MPRIP: variants seen among roughly 807,000 people sequenced by gnomAD.
MPRIP encodes myosin phosphatase Rho interacting protein.
Under a neutral mutation model 234.9 loss-of-function variants are expected in MPRIP, and 59 were observed. That is an observed-to-expected ratio of 0.25 (90% CI 0.20 to 0.31). MPRIP has a LOEUF of 0.31. Ranked by LOEUF, MPRIP falls within the 10% of genes least tolerant of loss-of-function variation. The pLI is 1.00. For synonymous variants in MPRIP, 1,144 were observed against 1,263.9 expected (o/e 0.91, Z 2.01); for missense variants, 2,436 against 3,071.0 (o/e 0.79, Z 4.89).
At chr17:17,143,305 A>C (rs1235009350) in intron 8 of MPRIP, among the ~76,000 whole-genome samples, 1 of 152,112 alleles carries the variant, frequency 6.6e-6, no homozygotes, top group Non-Finnish European at 1.5e-5. Flanking sequence ...AAGCTGGAGG[A>C]TGGGGTGGGG....
intron 1 of MPRIP, among the ~76,000 whole-genome samples, chr17:17,058,895 A>G (rs1440067262): frequency 6.6e-6 from 1 of 152,086 alleles, no homozygotes; most frequent in Non-Finnish European, 1.5e-5. Context: ...CTCCCCAAGC[A>G]AAGGTGCAGA....
chr17:17,047,569 C>T (rs11078366), intron 1 of MPRIP, among the ~76,000 whole-genome samples: 1 of 152,030 alleles, frequency 6.6e-6, no homozygotes, highest in East Asian at 1.9e-4. Flanking sequence ...GGCTATTAAA[C>T]TGGGTAAATT....
At chr17:17,091,913 C>T (rs1402260022) in intron 3 of MPRIP, among the ~76,000 whole-genome samples, 1 of 152,224 alleles carries the variant, frequency 6.6e-6, no homozygotes, top group Non-Finnish European at 1.5e-5. Context: ...GACCTGGCAG[C>T]ATTCTATATA....
At chr17:17,145,297 C>G (rs557978036) in intron 9 of MPRIP, among the ~76,000 whole-genome samples, 1 of 152,330 alleles carries the variant, frequency 6.6e-6, no homozygotes, top group South Asian at 2.1e-4. Context: ...TCAAAGCTAG[C>G]TTCTGCTCAG....
chr17:17,077,958 T>C, intron 2 of MPRIP, 53 bp from the exon 3 acceptor site: 3 of 1,592,708 alleles, frequency 1.9e-6, no homozygotes, highest in Non-Finnish European at 2.6e-6. Flanking sequence ...GAAGCCAAGC[T>C]CTGGGGCCAG....
chr17:17,051,591 T>G (rs1311621083), intron 1 of MPRIP, among the ~76,000 whole-genome samples: 2 of 152,224 alleles, frequency 1.3e-5, no homozygotes, highest in Non-Finnish European at 2.9e-5. Flanking sequence ...TGGGGCAGGT[T>G]CGAAAACTCT....
chr17:17,186,652 G>A lies in MPRIP; in HGVS notation c.*1758G>A, dbSNP rs1567787635. 1 of 152,212 alleles carries A rather than the reference G, an allele frequency of 6.6e-6. No individual in the cohort carries two copies. Among genetic ancestry groups the A allele is most frequent in the Non-Finnish European group, 1.5e-5 (1 of 68,088 alleles). The allele number at this position is 152,212 out of a possible 1,614,324, so 9.4% of individuals were successfully genotyped here. A position where few individuals can be genotyped will look rare whatever the true frequency, so the allele number is the denominator to read the frequency against. On this transcript the variant is annotated 3_prime_UTR_variant, in exon 24 of 24. Transcript: ENST00000651222. ...TAGGATTGCTTGAGCCCGGGAGGTC[G>A]AGGCTGCAATCAGTCATGATCGTGT...
rs765576185 is a variant in MPRIP, at chr17:17,177,430, G to T, written c.7120+18G>T. 3 of 1,608,616 alleles carry T rather than the reference G, an allele frequency of 1.9e-6. No individual in the cohort carries two copies. Among genetic ancestry groups the T allele is most frequent in the Non-Finnish European group, 2.6e-6 (3 of 1,176,370 alleles). ...CGGATATGGTGCGTCCTCGGGTCATGCCCTCTCGGTTATTGCTGGGGGGCT... is the reference window on the plus strand; with the variant it reads ...CGGATATGGTGCGTCCTCGGGTCATTCCCTCTCGGTTATTGCTGGGGGGCT... On this transcript the variant is annotated intron_variant, in intron 22 of 23. Coordinates refer to ENST00000651222, the MANE Select transcript of MPRIP (RefSeq NM_001364716.4).
intron 1 of MPRIP, among the ~76,000 whole-genome samples, chr17:17,051,884 G>A (rs1444952539): frequency 6.6e-6 from 1 of 152,244 alleles, no homozygotes; most frequent in African/African-American, 2.4e-5. Context: ...CCTTCCCCTT[G>A]GGCGCAGCTT....
intron 1 of MPRIP, among the ~76,000 whole-genome samples, chr17:17,053,733 TCCCATGCCCATTAAACAGAAGCTCAGG>T (rs1229298244): frequency 6.6e-6 from 1 of 152,198 alleles, no homozygotes; most frequent in Non-Finnish European, 1.5e-5. Context: ...TTTCTGTCTG[TCCCATGCCCATTAAACAGAAGCTCAGG>T]CCCATGCCCA....
intron 22 of MPRIP, 30 bp from the exon 23 acceptor site, chr17:17,179,973 A>G: frequency 6.5e-7 from 1 of 1,543,804 alleles, no homozygotes; most frequent in Non-Finnish European, 8.8e-7. Context: ...CAAAGGTAAC[A>G]GGTCTGTTTG....
intron 18 of MPRIP, chr17:17,173,674 C>A: frequency 1.5e-6 from 1 of 660,584 alleles, no homozygotes. Flanking sequence ...GGACTCTGTC[C>A]TGACTGGCAT....
intron 13 of MPRIP, among the ~76,000 whole-genome samples, chr17:17,156,202 G>T (rs778946839): frequency 9.2e-5 from 14 of 152,236 alleles, no homozygotes; most frequent in Non-Finnish European, 7.3e-5. Context: ...CTGTGCACAT[G>T]CCTGTGCCTG....
chr17:17,164,660 G>A lies in MPRIP; in HGVS notation c.3069G>A (p.Glu1023=). The A allele has an allele frequency of 8.1e-7, 1 of 1,241,586 alleles. No homozygotes were observed. Among genetic ancestry groups the A allele is most frequent in the Middle Eastern group, 2.3e-4 (1 of 4,350 alleles). The allele number at this position is 1,241,586 out of a possible 1,614,324, so 76.9% of individuals were successfully genotyped here. Residue 1023 remains glutamate, a synonymous_variant, in exon 16 of 24, where the codon GAG becomes GAA. Coordinates refer to ENST00000651222, the MANE Select transcript of MPRIP (RefSeq NM_001364716.4). Reference sequence around the variant, plus strand: ...AGGAGAAGCTGCAGAGAAACTATGAGCTGCTGCTGGAGAGCTGTGAGAAGG... The same window carrying A: ...AGGAGAAGCTGCAGAGAAACTATGAACTGCTGCTGGAGAGCTGTGAGAAGG... The part of the protein sequence containing the change: ...LMEEKLQRNY[E]LLLESCEKEK...
intron 3 of MPRIP, among the ~76,000 whole-genome samples, chr17:17,123,721 A>AAAG (rs1555575089): frequency 6.6e-6 from 1 of 150,784 alleles, no homozygotes; most frequent in African/African-American, 2.4e-5. Context: ...AAAAAAAAAA[A>AAAG]AAAGAAAGAA....
chr17:17,170,583 T>G (rs2046111455), intron 16 of MPRIP, among the ~76,000 whole-genome samples: 1 of 152,220 alleles, frequency 6.6e-6, no homozygotes, highest in Non-Finnish European at 1.5e-5. Flanking sequence ...TAGGATTTCT[T>G]GGTATCCTTT....
At position 17,142,906 on chromosome 17, in the gene MPRIP, C is replaced by T. The variant is rs930815124; in HGVS notation, c.1389+141C>T. The T allele has an allele frequency of 5.5e-6, 5 of 912,434 alleles. No homozygotes were observed. In the African/African-American group the frequency reaches 6.6e-5, roughly 12 times the overall value. 56.5% of individuals were successfully genotyped at this position (912,434 alleles called of 1,614,324 possible). On this transcript the variant is annotated intron_variant, in intron 8 of 23. Transcript: ENST00000651222. ...TCCAACCACCTCCTCTGCATAGTGA[C>T]TTCTTGAGAGCAGGCCTGTCTCCTG...
chr17:17,056,447 A>AGCAGGG (rs2088699562), intron 1 of MPRIP, among the ~76,000 whole-genome samples: 1 of 151,828 alleles, frequency 6.6e-6, no homozygotes, highest in Admixed American at 6.6e-5. Context: ...TACAGTGGGG[A>AGCAGGG]GCAGGGGCAG....
At chr17:17,118,989 G>A (rs1277743150) in intron 3 of MPRIP, among the ~76,000 whole-genome samples, 1 of 152,132 alleles carries the variant, frequency 6.6e-6, no homozygotes, top group East Asian at 1.9e-4. Flanking sequence ...CCTAGAAGCA[G>A]TTTGGCTGCA....
Sources: gnomAD v4.1 joint callset for allele counts (sites outside exome capture counted in the v4.1 genomes callset) on GRCh38, gnomAD v4.1.1 for gene constraint, MANE v1.5 for transcripts, NCBI Gene and HGNC (gene_info 2026-07-23, HGNC 2026-07-21) for gene names.